The following MEIS3 variants were observed in gnomAD, a reference collection of about 807,000 sequenced individuals.
MEIS3 encodes Meis homeobox 3.
A neutral mutation model predicts 51.4 loss-of-function variants in MEIS3; 38 were observed. The ratio of observed to expected loss-of-function variants is 0.74; its 90% CI spans 0.57 to 0.97. The LOEUF (loss-of-function observed/expected upper bound fraction) is 0.97, where lower values mean the gene tolerates loss of function less well. Ranked by LOEUF, MEIS3 falls within the 50% of genes least tolerant of loss-of-function variation. The pLI is 0.00. For missense variants in MEIS3, 456 were observed against 502.6 expected, an observed-to-expected ratio of 0.91 and a Z score of 0.89; for synonymous variants, 198 against 201.8, an observed-to-expected ratio of 0.98 and a Z score of 0.16.
chr19:47,411,038 G>A (rs566386650), intron 6 of MEIS3, among the ~76,000 whole-genome samples: 9 of 152,180 alleles, frequency 5.9e-5, no homozygotes, highest in East Asian at 3.9e-4. Flanking sequence ...CCAGGTTCAC[G>A]TGATTCTCAT....
At chr19:47,412,262 GT>G (rs1249291494) in intron 6 of MEIS3, 1 of 152,094 alleles carries the variant, frequency 6.6e-6, no homozygotes, top group Non-Finnish European at 1.5e-5. Context: ...ACAGTTCTTT[GT>G]TTTTCAGTTT....
Position 47,407,563 on chromosome 19 carries a change from G to A in MEIS3, c.859-135C>T, listed in dbSNP as rs773832613. The A allele has an allele frequency of 9.1e-6, 14 of 1,546,886 alleles. No individual in the cohort carries two copies. The Admixed American group carries it at 1.6e-4, about 17-fold the overall frequency. On this transcript the variant is annotated intron_variant, in intron 8 of 12. Coordinates refer to ENST00000558555, the MANE Select transcript of MEIS3 (RefSeq NM_001301059.2). Reference sequence around the variant, plus strand: ...TCTGGGAGAACCGGCGCTTCTGAGCGTCTCTGCGCTCCCCAGGATGGAGAC... The same window carrying A: ...TCTGGGAGAACCGGCGCTTCTGAGCATCTCTGCGCTCCCCAGGATGGAGAC...
intron 3 of MEIS3, 24 bp downstream of exon 3, chr19:47,416,780 G>A (rs995205771): frequency 1.2e-6 from 2 of 1,613,114 alleles, no homozygotes; most frequent in Non-Finnish European, 1.7e-6. Context: ...CTGACTCGGT[G>A]TGTGGTGGGT....
upstream of MEIS3, among the ~76,000 whole-genome samples, chr19:47,419,682 G>T (rs975455304): frequency 6.7e-6 from 1 of 150,302 alleles, no homozygotes; most frequent in Non-Finnish European, 1.5e-5. Flanking sequence ...GGGGAGGAGA[G>T]GAAGAGACCG....
intron 12 of MEIS3, among the ~76,000 whole-genome samples, chr19:47,404,643 C>T (rs1410419792): frequency 6.6e-6 from 1 of 152,152 alleles, no homozygotes. Flanking sequence ...GTCTCACCTC[C>T]AAAGTCCTCT....
upstream of MEIS3, among the ~76,000 whole-genome samples, chr19:47,420,529 G>C (rs1486350612): frequency 1.4e-5 from 2 of 145,170 alleles, no homozygotes; most frequent in African/African-American, 5.4e-5. Flanking sequence ...TTCAGAGAGA[G>C]AGAGAGACAG....
chr19:47,410,926 C>T lies in MEIS3; in HGVS notation c.598-1379G>A, dbSNP rs144211280. 4.3e-3 allele frequency among the ~76,000 whole-genome samples: 657 copies of T among 152,180 alleles called. 4 individuals carry two copies. Among genetic ancestry groups the T allele is most frequent in the Middle Eastern group, 6.8e-3 (2 of 294 alleles). ...TGGGGCAAGAAGTGTCTCAGGATTCCGAACATTTCACATTTTTATCTTTAT... is the reference window on the plus strand; with the variant it reads ...TGGGGCAAGAAGTGTCTCAGGATTCTGAACATTTCACATTTTTATCTTTAT... On this transcript the variant is annotated intron_variant, in intron 6 of 12. Coordinates refer to ENST00000558555, the MANE Select transcript of MEIS3 (RefSeq NM_001301059.2).
intron 8 of MEIS3, among the ~76,000 whole-genome samples, chr19:47,408,445 TCA>T (rs1279816365): frequency 6.6e-6 from 1 of 152,132 alleles, no homozygotes; most frequent in Non-Finnish European, 1.5e-5. Flanking sequence ...TTTGTGGCTC[TCA>T]CATTCTCTCT....
chr19:47,412,734 T>C (rs901426207), intron 6 of MEIS3, among the ~76,000 whole-genome samples: 4 of 152,048 alleles, frequency 2.6e-5, no homozygotes, highest in Non-Finnish European at 5.9e-5. Context: ...TCTAATTTTT[T>C]GTTTTTTTTA....
At chr19:47,412,536 C>T (rs1305272020) in intron 6 of MEIS3, 2 of 151,086 alleles carry the variant, frequency 1.3e-5, no homozygotes, top group Non-Finnish European at 2.9e-5. Flanking sequence ...TACAGGCGCA[C>T]GACATAACAC....
upstream of MEIS3, among the ~76,000 whole-genome samples, chr19:47,421,371 G>A (rs556649027): frequency 3.9e-5 from 6 of 152,236 alleles, no homozygotes; most frequent in East Asian, 1.9e-4. Flanking sequence ...ACCGACCACT[G>A]GGGCTATGCC....
upstream of MEIS3, among the ~76,000 whole-genome samples, chr19:47,420,524 A>AGAGAGACAGAGACAGACGCGGGTGGGAG (rs1555744455): frequency 2.5e-3 from 206 of 81,366 alleles, 4 homozygotes; most frequent in Middle Eastern, 0.014. Flanking sequence ...TGTGATTCAG[A>AGAGAGACAGAGACAGACGCGGGTGGGAG]GAGAGAGAGA....
chr19:47,416,492 T>A (rs1045814332), intron 4 of MEIS3, 160 bp downstream of exon 4: 6 of 632,474 alleles, frequency 9.5e-6, no homozygotes, highest in African/African-American at 9.3e-5. Context: ...GTTCTCAGAC[T>A]CTAGGCTGTA....
upstream of MEIS3, among the ~76,000 whole-genome samples, chr19:47,421,349 C>A (rs1232872794): frequency 6.6e-6 from 1 of 152,108 alleles, no homozygotes; most frequent in Non-Finnish European, 1.5e-5. Flanking sequence ...CCTTCAGTGC[C>A]CCAACCTGAG....
chr19:47,408,783 T>C (rs1275085834), intron 8 of MEIS3, among the ~76,000 whole-genome samples: 1 of 152,100 alleles, frequency 6.6e-6, no homozygotes, highest in Non-Finnish European at 1.5e-5. Flanking sequence ...CCTCCTCACC[T>C]GTTAAATGGA....
intron 1 of MEIS3, chr19:47,417,845 C>T (rs1019686461): frequency 3.3e-6 from 2 of 610,654 alleles, no homozygotes; most frequent in Non-Finnish European, 2.9e-6. Flanking sequence ...CCACGTGAAT[C>T]TACCACACAT....
chr19:47,415,643 G>C (rs1252894329), intron 4 of MEIS3, among the ~76,000 whole-genome samples: 3 of 140,648 alleles, frequency 2.1e-5, no homozygotes. Flanking sequence ...GTGTGATCTT[G>C]GCTCACTGCA....
At chr19:47,417,736 C>A (rs1315772734) in intron 1 of MEIS3, 7 of 687,688 alleles carry the variant, frequency 1.0e-5, no homozygotes. Context: ...TTGTTGTACA[C>A]AAAGTACACA....
chr19:47,418,775 CAG>C (rs1971586454), intron 1 of MEIS3: 1 of 292,828 alleles, frequency 3.4e-6, no homozygotes, highest in African/African-American at 2.7e-5. Flanking sequence ...GAGAGGGGGA[CAG>C]AGAGGCAGAA....
Sources: gnomAD v4.1 joint callset for allele counts (sites outside exome capture counted in the v4.1 genomes callset) on GRCh38, gnomAD v4.1.1 for gene constraint, MANE v1.5 for transcripts, NCBI Gene and HGNC (gene_info 2026-07-23, HGNC 2026-07-21) for gene names.